Variants in CIMAP2 observed in about 807,000 individuals in gnomAD.
CIMAP2 encodes the protein ciliary microtubule-associated protein 2.
chr1:54,806,265 AGCT>A, the CIMAP2 span: 1 of 1,454,272 alleles, frequency 6.9e-7, no homozygotes, highest in African/African-American at 1.5e-5. Flanking sequence ...GGTCCAAAGC[AGCT>A]GCTGCCCACC....
At chr1:54,829,209 C>G in the CIMAP2 span, among the ~76,000 whole-genome samples, 3 of 152,300 alleles carry the variant, frequency 2.0e-5, no homozygotes, top group South Asian at 6.2e-4. Flanking sequence ...TTGAGATAAA[C>G]TACACAGAAT....
the CIMAP2 span, among the ~76,000 whole-genome samples, chr1:54,838,363 G>T: frequency 1.3e-5 from 2 of 151,886 alleles, no homozygotes; most frequent in East Asian, 3.9e-4. Flanking sequence ...GGTGCCTGTA[G>T]TCCCAACTAC....
the CIMAP2 span, chr1:54,807,891 GC>G: frequency 6.3e-7 from 1 of 1,578,126 alleles, no homozygotes; most frequent in Non-Finnish European, 8.6e-7. Context: ...TGGCACAGGA[GC>G]AAAAGCTGGG....
the CIMAP2 span, among the ~76,000 whole-genome samples, chr1:54,829,487 T>C: frequency 5.3e-5 from 8 of 152,228 alleles, no homozygotes; most frequent in African/African-American, 1.9e-4. Flanking sequence ...CTCAGAATTA[T>C]GATGCCAGGA....
the CIMAP2 span, among the ~76,000 whole-genome samples, chr1:54,819,853 C>CTTTCTTTCTCTTTCTTTCT: frequency 1.6e-5 from 1 of 61,926 alleles, no homozygotes; most frequent in African/African-American, 8.4e-5. Flanking sequence ...TCTTTCTTTC[C>CTTTCTTTCTCTTTCTTTCT]TTCCTTCCTT....
chr1:54,814,036 G>A, the CIMAP2 span: 1 of 1,521,512 alleles, frequency 6.6e-7, no homozygotes, highest in Non-Finnish European at 8.8e-7. Context: ...TCCGGGGCTG[G>A]GCATGGGGTA....
the CIMAP2 span, among the ~76,000 whole-genome samples, chr1:54,827,704 C>T: frequency 1.3e-5 from 2 of 152,182 alleles, no homozygotes; most frequent in Non-Finnish European, 2.9e-5. Flanking sequence ...CTGCCCCTAT[C>T]GATGCTGTTT....
chr1:54,838,415 G>T, the CIMAP2 span, among the ~76,000 whole-genome samples: 1 of 151,844 alleles, frequency 6.6e-6, no homozygotes. Context: ...TCCAGCGGTG[G>T]AGGTTGCAGT....
the CIMAP2 span, among the ~76,000 whole-genome samples, chr1:54,822,904 T>G: frequency 2.0e-5 from 3 of 152,214 alleles, no homozygotes; most frequent in South Asian, 6.2e-4. Flanking sequence ...TGTTATTGAT[T>G]TCTAGTTTTA....
chr1:54,840,887 C>T, the CIMAP2 span, among the ~76,000 whole-genome samples: 1 of 152,114 alleles, frequency 6.6e-6, no homozygotes, highest in African/African-American at 2.4e-5. Context: ...ATATTTTTTC[C>T]CAGATATCCA....
At chr1:54,819,945 G>A in the CIMAP2 span, among the ~76,000 whole-genome samples, 1 of 101,596 alleles carries the variant, frequency 9.8e-6, no homozygotes, top group Non-Finnish European at 1.8e-5. Flanking sequence ...TTTTCTTTCT[G>A]TCCTTCTTTC....
the CIMAP2 span, among the ~76,000 whole-genome samples, chr1:54,831,998 C>T: frequency 6.6e-6 from 1 of 152,190 alleles, no homozygotes; most frequent in Non-Finnish European, 1.5e-5. Flanking sequence ...AGGCATGTGC[C>T]ACCACGCCCA....
the CIMAP2 span, chr1:54,808,036 C>A: frequency 6.6e-7 from 1 of 1,518,436 alleles, no homozygotes; most frequent in South Asian, 1.3e-5. Context: ...GTCTGGAGTC[C>A]CAAGCAGAGA....
chr1:54,827,881 A>T, the CIMAP2 span, among the ~76,000 whole-genome samples: 2 of 152,236 alleles, frequency 1.3e-5, no homozygotes, highest in Non-Finnish European at 2.9e-5. Flanking sequence ...CTCTGTTGCC[A>T]AAGACCCAAG....
chr1:54,820,497 A>T, the CIMAP2 span, among the ~76,000 whole-genome samples: 1 of 151,994 alleles, frequency 6.6e-6, no homozygotes, highest in African/African-American at 2.4e-5. Flanking sequence ...TTTTTTAAAG[A>T]AACTTCCATA....
the CIMAP2 span, chr1:54,807,694 A>G: frequency 2.5e-6 from 4 of 1,588,870 alleles, no homozygotes; most frequent in Admixed American, 1.8e-5. Context: ...GCTGAAGGTG[A>G]GGCCTCTGGG....
At chr1:54,831,978 C>G in the CIMAP2 span, among the ~76,000 whole-genome samples, 2 of 152,346 alleles carry the variant, frequency 1.3e-5, no homozygotes, top group East Asian at 3.9e-4. Context: ...TTCCAAGTAG[C>G]TGGGACTACA....
At chr1:54,811,765 G>GCCGGGGGGGGGCGGCCCCCCCCCCCC in the CIMAP2 span, 1 of 1,301,332 alleles carries the variant, frequency 7.7e-7, no homozygotes, top group Non-Finnish European at 1.1e-6. Flanking sequence ...GGTTCTGACA[G>GCCGGGGGGGGGCGGCCCCCCCCCCCC]CCTCCATGCC....
the CIMAP2 span, among the ~76,000 whole-genome samples, chr1:54,809,146 T>C: frequency 1.3e-5 from 2 of 152,160 alleles, no homozygotes; most frequent in East Asian, 1.9e-4. Flanking sequence ...TCCAAAACAT[T>C]CTAATTCTTT....
Sources: allele counts gnomAD v4.1 joint callset (sites outside exome capture counted in the v4.1 genomes callset), GRCh38; gene constraint gnomAD v4.1.1; transcripts MANE v1.5; gene names NCBI Gene and HGNC (gene_info 2026-07-23, HGNC 2026-07-21).